FKBP5: variants seen among roughly 807,000 people sequenced by gnomAD.
FKBP5 encodes the protein peptidyl-prolyl cis-trans isomerase FKBP5.
In FKBP5, 23 loss-of-function variants were observed where a neutral mutation model predicts 50.5. The ratio of observed to expected loss-of-function variants is 0.46; its 90% CI spans 0.33 to 0.65. The LOEUF is 0.65. Among genes scored for constraint, FKBP5 ranks in the 30% least tolerant of loss-of-function variants. The pLI is 0.02. For missense variants in FKBP5, 411 were observed against 553.1 expected (o/e 0.74, Z 2.58); for synonymous variants, 176 against 190.6 (o/e 0.92, Z 0.63).
intron 5 of FKBP5, among the ~76,000 whole-genome samples, chr6:35,608,760 C>G (rs1228206842): frequency 6.6e-6 from 1 of 152,094 alleles, no homozygotes; most frequent in Non-Finnish European, 1.5e-5. Context: ...TCCTCACCAC[C>G]TTTTGTTAAA....
At chr6:35,721,993 T>C (rs551707830) in intron 1 of FKBP5, among the ~76,000 whole-genome samples, 1 of 152,324 alleles carries the variant, frequency 6.6e-6, no homozygotes, top group South Asian at 2.1e-4. Flanking sequence ...CCTGAAACCC[T>C]CAGCCTCCAG....
intron 5 of FKBP5, among the ~76,000 whole-genome samples, chr6:35,601,989 A>G (rs897393635): frequency 2.0e-4 from 31 of 152,174 alleles, no homozygotes; most frequent in Admixed American, 6.5e-5. Context: ...TCGGAGTGTA[A>G]CCACATCAAG....
At chr6:35,612,800 C>G (rs543298293) in intron 5 of FKBP5, among the ~76,000 whole-genome samples, 1 of 152,328 alleles carries the variant, frequency 6.6e-6, no homozygotes, top group African/African-American at 2.4e-5. Context: ...GAAAATGCCC[C>G]CCCGATTCAG....
At chr6:35,576,867 G>T in intron 10 of FKBP5, 127 bp downstream of exon 10, 1 of 1,190,798 alleles carries the variant, frequency 8.4e-7, no homozygotes, top group Non-Finnish European at 1.2e-6. Flanking sequence ...AGCAGCCTCA[G>T]ATTAGATTGG....
At chr6:35,666,105 T>C (rs1765207337) in intron 1 of FKBP5, among the ~76,000 whole-genome samples, 1 of 152,172 alleles carries the variant, frequency 6.6e-6, no homozygotes, top group Admixed American at 6.5e-5. Flanking sequence ...TATTACCTAA[T>C]GTATCATCTT....
chr6:35,583,098 T>A (rs1195758517), intron 8 of FKBP5: 1 of 985,108 alleles, frequency 1.0e-6, no homozygotes, highest in Non-Finnish European at 1.2e-6. Flanking sequence ...CTAAAAACAA[T>A]ACCAACAACA....
At chr6:35,695,828 C>T (rs889703596) in intron 2 of FKBP5, among the ~76,000 whole-genome samples, 1 of 152,110 alleles carries the variant, frequency 6.6e-6, no homozygotes, top group Non-Finnish European at 1.5e-5. Context: ...TAGAAAACAA[C>T]AAACATTGTT....
At chr6:35,705,328 G>A (rs527869892) in intron 2 of FKBP5, among the ~76,000 whole-genome samples, 93 of 131,072 alleles carry the variant, frequency 7.1e-4, no homozygotes, top group Middle Eastern at 8.8e-3. Context: ...GTGCAATGGC[G>A]TGATCTTGGC....
intron 2 of FKBP5, among the ~76,000 whole-genome samples, chr6:35,716,495 A>G (rs1041095719): frequency 6.6e-6 from 1 of 151,950 alleles, no homozygotes; most frequent in Admixed American, 6.6e-5. Flanking sequence ...CATTCTCGGG[A>G]GTTCTTCTGC....
intron 1 of FKBP5, among the ~76,000 whole-genome samples, chr6:35,649,673 C>T (rs535308557): frequency 6.6e-6 from 1 of 151,890 alleles, no homozygotes; most frequent in African/African-American, 2.4e-5. Context: ...GTTATAAAGG[C>T]GAAACATGAA....
chr6:35,582,743 G>A, intron 8 of FKBP5: 7 of 985,134 alleles, frequency 7.1e-6, no homozygotes, highest in Non-Finnish European at 8.4e-6. Context: ...AAAAAAAAAA[G>A]AATAAAGTCC....
At chr6:35,642,646 C>T in intron 2 of FKBP5, 74 bp downstream of exon 2, 1 of 1,121,990 alleles carries the variant, frequency 8.9e-7, no homozygotes, top group Non-Finnish European at 1.3e-6. Flanking sequence ...CACCCCAGCC[C>T]CCCTCAGAAA....
At chr6:35,695,231 T>G (rs1766063132) in intron 2 of FKBP5, among the ~76,000 whole-genome samples, 1 of 152,210 alleles carries the variant, frequency 6.6e-6, no homozygotes. Flanking sequence ...TGGCTTGATC[T>G]CAGCTCACTG....
chr6:35,721,712 C>T (rs1766614124), intron 1 of FKBP5, among the ~76,000 whole-genome samples: 1 of 152,224 alleles, frequency 6.6e-6, no homozygotes, highest in African/African-American at 2.4e-5. Flanking sequence ...CCTCGGCCTC[C>T]CAAAGTGCTG....
In FKBP5 at chr6:35,632,615, C is replaced by T. The variant is rs1480920592; in HGVS notation, c.250+4399G>A. ...TTAAAAGATGGTACGGCTAGCCAGG[C>T]GCGGTAGCTCATGCCTGTAATCCCA... On this transcript the variant is annotated intron_variant, in intron 3 of 10. Coordinates refer to ENST00000357266, the MANE Select transcript of FKBP5 (RefSeq NM_004117.4). Among the ~76,000 whole-genome samples, 4 of 151,902 alleles carry T rather than the reference C, an allele frequency of 2.6e-5. No homozygotes were observed. The East Asian group carries it at 7.7e-4, about 29-fold the overall frequency.
At chr6:35,596,769 T>C (rs549011414) in intron 6 of FKBP5, among the ~76,000 whole-genome samples, 22 of 152,336 alleles carry the variant, frequency 1.4e-4, no homozygotes, top group African/African-American at 5.1e-4. Flanking sequence ...AAATGAGTCA[T>C]CTCTGTTGCC....
intron 1 of FKBP5, among the ~76,000 whole-genome samples, chr6:35,652,288 GA>G (rs1298106359): frequency 6.6e-6 from 1 of 152,132 alleles, no homozygotes; most frequent in African/African-American, 2.4e-5. Flanking sequence ...TGGGCACCCT[GA>G]AAAAAGAACA....
At chr6:35,656,185 TAGA>T (rs1764943421) in intron 1 of FKBP5, among the ~76,000 whole-genome samples, 1 of 152,182 alleles carries the variant, frequency 6.6e-6, no homozygotes, top group Admixed American at 6.5e-5. Flanking sequence ...TGAGTCTGTG[TAGA>T]AAGAATAAAA....
chr6:35,600,466 G>T (rs1028566708), intron 5 of FKBP5, among the ~76,000 whole-genome samples: 2 of 151,596 alleles, frequency 1.3e-5, no homozygotes, highest in Non-Finnish European at 2.9e-5. Context: ...TTCTAAGGAG[G>T]TTAAGAGTTC....
Sources: allele counts gnomAD v4.1 joint callset (sites outside exome capture counted in the v4.1 genomes callset), GRCh38; gene constraint gnomAD v4.1.1; transcripts MANE v1.5; gene names NCBI Gene and HGNC (gene_info 2026-07-23, HGNC 2026-07-21).